Variants in DNM3 observed in about 807,000 individuals in gnomAD.
DNM3 encodes the protein dynamin-3.
In DNM3, 47 loss-of-function variants were observed where a neutral mutation model predicts 101.6. The observed-to-expected ratio is 0.46, with a 90% CI of 0.37 to 0.59. The LOEUF (loss-of-function observed/expected upper bound fraction) is 0.59, where lower values mean the gene tolerates loss of function less well. DNM3 is among the 20% of genes least tolerant of loss of function. The pLI, the probability that DNM3 is intolerant of heterozygous loss-of-function variation, is 0.00. For synonymous variants in DNM3, 385 were observed against 387.9 expected (o/e 0.99, Z 0.09); for missense variants, 849 against 1,085.7 (o/e 0.78, Z 3.06).
intron 10 of DNM3, among the ~76,000 whole-genome samples, chr1:172,050,113 A>G (rs545229358): frequency 4.7e-4 from 71 of 152,302 alleles, no homozygotes; most frequent in Non-Finnish European, 9.9e-4. Context: ...GTTGAAAAAA[A>G]TCAATCTTTC....
chr1:172,219,377 CAAAAAAAAAA>C (rs58783160), intron 14 of DNM3, among the ~76,000 whole-genome samples: 6 of 56,300 alleles, frequency 1.1e-4, no homozygotes, highest in South Asian at 1.8e-3. Flanking sequence ...TACCCTGTCT[CAAAAAAAAAA>C]AAAAAAAAAA....
chr1:171,987,923 A>T (rs1387911347), intron 3 of DNM3, 118 bp downstream of exon 3: 5 of 953,712 alleles, frequency 5.2e-6, no homozygotes, highest in Non-Finnish European at 7.2e-6. Flanking sequence ...TATCCTTTGG[A>T]TACTGCCCAT....
intron 13 of DNM3, among the ~76,000 whole-genome samples, chr1:172,114,494 G>A (rs1433980607): frequency 1.3e-5 from 2 of 152,182 alleles, no homozygotes; most frequent in Non-Finnish European, 2.9e-5. Flanking sequence ...ATATACTTAT[G>A]TACCTGCCCT....
At chr1:172,077,206 T>G (rs927187031) in intron 11 of DNM3, among the ~76,000 whole-genome samples, 24 of 152,180 alleles carry the variant, frequency 1.6e-4, no homozygotes, top group African/African-American at 5.5e-4. Context: ...TCTTCTCTCT[T>G]TTCTTCTTTA....
At chr1:171,988,458 G>A (rs2045421659) in intron 3 of DNM3, among the ~76,000 whole-genome samples, 1 of 151,820 alleles carries the variant, frequency 6.6e-6, no homozygotes. Flanking sequence ...GACTCTGTTT[G>A]TACAGCTGAT....
intron 1 of DNM3, among the ~76,000 whole-genome samples, chr1:171,874,293 G>C (rs2035562069): frequency 6.6e-6 from 1 of 151,140 alleles, no homozygotes; most frequent in Non-Finnish European, 1.5e-5. Flanking sequence ...GCATAGTTTA[G>C]TTGATTAGGT....
chr1:172,239,242 C>G (rs546640323), intron 14 of DNM3, among the ~76,000 whole-genome samples: 12 of 152,304 alleles, frequency 7.9e-5, no homozygotes, highest in African/African-American at 2.4e-4. Context: ...CTACTAGGTA[C>G]ATAATTAACT....
chr1:172,105,071 T>C (rs924548326), intron 13 of DNM3, among the ~76,000 whole-genome samples: 3 of 152,250 alleles, frequency 2.0e-5, no homozygotes, highest in African/African-American at 4.8e-5. Context: ...ACTCAGTTAC[T>C]ATGGGCTATT....
chr1:172,081,989 C>G, intron 12 of DNM3, 87 bp downstream of exon 12: 1 of 1,341,166 alleles, frequency 7.5e-7, no homozygotes, highest in Non-Finnish European at 1.1e-6. Flanking sequence ...AGTTTCACCA[C>G]CTTTGAGAAT....
intron 15 of DNM3, among the ~76,000 whole-genome samples, chr1:172,286,243 C>T (rs1346289349): frequency 6.6e-6 from 1 of 152,110 alleles, no homozygotes. Flanking sequence ...AATGGCCTCT[C>T]TCTCTATTTA....
At chr1:171,950,797 T>TA (rs2125452844) in intron 2 of DNM3, among the ~76,000 whole-genome samples, 1 of 152,284 alleles carries the variant, frequency 6.6e-6, no homozygotes, top group South Asian at 2.1e-4. Context: ...CGTGTGTACT[T>TA]ACAAATTGTT....
chr1:172,061,008 AC>A (rs2051138112), intron 10 of DNM3, among the ~76,000 whole-genome samples: 3 of 116,486 alleles, frequency 2.6e-5, no homozygotes, highest in Admixed American at 9.1e-5. Context: ...CAAGAAAAAA[AC>A]AAACAACCCC....
intron 15 of DNM3, among the ~76,000 whole-genome samples, chr1:172,305,229 C>G (rs904617587): frequency 1.3e-5 from 2 of 152,084 alleles, no homozygotes; most frequent in Non-Finnish European, 2.9e-5. Context: ...GAAATACAAA[C>G]TACCACCAGA....
In DNM3 at chr1:172,090,292, G is replaced by A. The variant is rs144254528; in HGVS notation, c.1494-2532G>A. On this transcript the variant is annotated intron_variant, in intron 12 of 20. Coordinates refer to ENST00000627582, the MANE Select transcript of DNM3 (RefSeq NM_015569.5). ...TCATGCATTCCTGGAAGAGCAGGAA[G>A]CCTGGAGGGTGCTGGAAAAGTGACA... Among the ~76,000 whole-genome samples, 3 of 152,306 alleles carry A rather than the reference G, an allele frequency of 2.0e-5. No homozygotes were observed. The East Asian group carries it at 5.8e-4, about 29-fold the overall frequency.
chr1:172,077,106 G>T (rs1030303928), intron 11 of DNM3, among the ~76,000 whole-genome samples: 15 of 152,070 alleles, frequency 9.9e-5, no homozygotes, highest in African/African-American at 3.6e-4. Flanking sequence ...TTTGCATAGA[G>T]GTGTTTATAG....
At chr1:172,404,708 C>T (rs1237558166) in intron 20 of DNM3, among the ~76,000 whole-genome samples, 3 of 152,070 alleles carry the variant, frequency 2.0e-5, no homozygotes, top group Admixed American at 2.0e-4. Flanking sequence ...ATCATGTTTG[C>T]CATCACTTTG....
chr1:172,117,718 C>T (rs563860823), intron 13 of DNM3, among the ~76,000 whole-genome samples: 1 of 152,264 alleles, frequency 6.6e-6, no homozygotes, highest in African/African-American at 2.4e-5. Flanking sequence ...TCTCTGAAAG[C>T]TGAATTGTAT....
At chr1:172,031,360 TG>T (rs1248471365) in intron 4 of DNM3, among the ~76,000 whole-genome samples, 2 of 151,940 alleles carry the variant, frequency 1.3e-5, no homozygotes, top group African/African-American at 4.8e-5. Context: ...TGAGAACACA[TG>T]GACACAGGGA....
intron 14 of DNM3, among the ~76,000 whole-genome samples, chr1:172,227,777 C>T (rs1309811543): frequency 2.0e-5 from 3 of 151,964 alleles, no homozygotes; most frequent in Non-Finnish European, 4.4e-5. Context: ...TTTTCACATC[C>T]ACCCCTCCTC....
Sources: allele counts gnomAD v4.1 joint callset (sites outside exome capture counted in the v4.1 genomes callset), GRCh38; gene constraint gnomAD v4.1.1; transcripts MANE v1.5; gene names NCBI Gene and HGNC (gene_info 2026-07-23, HGNC 2026-07-21).